KIF26B: variants seen among roughly 807,000 people sequenced by gnomAD.
The protein encoded by KIF26B is kinesin family member 26B.
KIF26B carries 63 observed loss-of-function variants against 151.2 expected under a neutral mutation model. That is an observed-to-expected ratio of 0.42 (90% CI 0.34 to 0.51). KIF26B has a LOEUF of 0.51. Among genes scored for constraint, KIF26B ranks in the 20% least tolerant of loss-of-function variants. The pLI is 0.07. For missense variants in KIF26B, 2,813 were observed against 2,913.6 expected, an observed-to-expected ratio of 0.97 and a Z score of 0.79; for synonymous variants, 1,357 against 1,262.1, an observed-to-expected ratio of 1.08 and a Z score of -1.59.
Position 245,179,404 on chromosome 1 carries a change from A to G in KIF26B, c.465+22721A>G, listed in dbSNP as rs934758768. Among the ~76,000 whole-genome samples the G allele has an allele frequency of 2.6e-5, 4 of 152,174 alleles. No individual in the cohort carries two copies. In the South Asian group the frequency reaches 8.3e-4, roughly 32 times the overall value. On this transcript the variant is annotated intron_variant, in intron 2 of 14. Transcript: ENST00000407071. ...TTTGGGAGGCTGAGGCGCGTGGATC[A>G]CCTGAGGTCAGGAGTTTGAGACCAT...
rs2044821349 is a variant in KIF26B at position 245,704,893 on chromosome 1, A to C, written c.*2287A>C. On this transcript the variant is annotated 3_prime_UTR_variant, in exon 15 of 15. Transcript: ENST00000407071. ...TTTAATTGGAGATTTTCAAAGGTGA[A>C]TATTCTGTTTTTGTTGGAAAGAAAC... The C allele has an allele frequency of 6.6e-6, 1 of 152,150 alleles. No individual in the cohort carries two copies. Among genetic ancestry groups the C allele is most frequent in the Non-Finnish European group, 1.5e-5 (1 of 68,040 alleles). 9.4% of individuals were successfully genotyped at this position (152,150 alleles called of 1,614,324 possible).
chr1:245,223,398 C>T (rs1669810886), intron 2 of KIF26B, among the ~76,000 whole-genome samples: 1 of 152,152 alleles, frequency 6.6e-6, no homozygotes, highest in Non-Finnish European at 1.5e-5. Context: ...CTTAAGGGTA[C>T]ATTCACTGAG....
At chr1:245,429,267 C>T (rs1209430632) in intron 4 of KIF26B, among the ~76,000 whole-genome samples, 1 of 152,218 alleles carries the variant, frequency 6.6e-6, no homozygotes, top group Admixed American at 6.5e-5. Flanking sequence ...GGAGTTCTGT[C>T]CTCAATGAAT....
intron 9 of KIF26B, among the ~76,000 whole-genome samples, chr1:245,634,050 G>A (rs545980898): frequency 1.3e-5 from 2 of 152,318 alleles, no homozygotes; most frequent in East Asian, 3.9e-4. Flanking sequence ...CTGGCCTTAA[G>A]TGATCCTTCT....
chr1:245,253,014 T>G (rs1158004575), intron 2 of KIF26B, among the ~76,000 whole-genome samples: 1 of 150,466 alleles, frequency 6.6e-6, no homozygotes, highest in African/African-American at 2.4e-5. Flanking sequence ...TCTTAATTTT[T>G]TTTTTTTTTT....
chr1:245,469,577 G>A (rs1402284887), intron 4 of KIF26B, among the ~76,000 whole-genome samples: 27 of 152,096 alleles, frequency 1.8e-4, no homozygotes. Context: ...ACTCCAGGAC[G>A]AAACCATGCT....
At chr1:245,181,221 C>T (rs1200821388) in intron 2 of KIF26B, among the ~76,000 whole-genome samples, 3 of 152,060 alleles carry the variant, frequency 2.0e-5, no homozygotes. Context: ...TTCTTGCTCC[C>T]TTTCTAGTAG....
At chr1:245,386,138 G>A (rs184331522) in intron 3 of KIF26B, among the ~76,000 whole-genome samples, 1,629 of 152,230 alleles carry the variant, frequency 0.011, 28 homozygotes, top group African/African-American at 0.037. Flanking sequence ...CTACTCAGGA[G>A]GCTGAGGCAG....
intron 12 of KIF26B, among the ~76,000 whole-genome samples, chr1:245,693,420 A>G (rs2044651762): frequency 6.6e-6 from 1 of 152,202 alleles, no homozygotes; most frequent in African/African-American, 2.4e-5. Flanking sequence ...TTATTGGTTG[A>G]TTCATTGATG....
chr1:245,201,158 T>A (rs1380362409), intron 2 of KIF26B, among the ~76,000 whole-genome samples: 1 of 152,178 alleles, frequency 6.6e-6, no homozygotes, highest in African/African-American at 2.4e-5. Flanking sequence ...CTGGACCACC[T>A]CCCTGGGTTA....
intron 4 of KIF26B, among the ~76,000 whole-genome samples, chr1:245,539,712 G>A (rs529503851): frequency 6.6e-6 from 1 of 152,256 alleles, no homozygotes; most frequent in Non-Finnish European, 1.5e-5. Context: ...GAGAGCAGTG[G>A]CGCTATCTGG....
Position 245,563,965 on chromosome 1 carries a change from A to G in KIF26B, c.1350+23015A>G, listed in dbSNP as rs1715779. ...TCTGTTTCTGCACTCTCTTCGGTGC[A>G]TCCTCTGAACCACCAGAATTAGGTT... On this transcript the variant is annotated intron_variant, in intron 5 of 14. Coordinates refer to ENST00000407071, the MANE Select transcript of KIF26B (RefSeq NM_018012.4). The surrounding 1 kb of genome is among the most constrained non-coding windows in gnomAD (Gnocchi z 4.6). Among the ~76,000 whole-genome samples, 28,794 of 151,988 alleles carry G rather than the reference A, an allele frequency of 0.19. 6,264 individuals carry two copies. Among genetic ancestry groups the G allele is most frequent in the African/African-American group, 0.53 (21,993 of 41,380 alleles).
chr1:245,476,313 C>T (rs1385313155), intron 4 of KIF26B, among the ~76,000 whole-genome samples: 1 of 151,688 alleles, frequency 6.6e-6, no homozygotes, highest in East Asian at 1.9e-4. Flanking sequence ...TTCCGTGTTC[C>T]ATGATGATTA....
chr1:245,442,793 TCA>T (rs1291021593), intron 4 of KIF26B, among the ~76,000 whole-genome samples: 1 of 115,122 alleles, frequency 8.7e-6, no homozygotes, highest in Non-Finnish European at 1.8e-5. Flanking sequence ...CCTACAGCGG[TCA>T]TCTCCCTCAC....
chr1:245,391,989 G>T (rs1311592435), intron 3 of KIF26B, among the ~76,000 whole-genome samples: 1 of 150,740 alleles, frequency 6.6e-6, no homozygotes, highest in African/African-American at 2.4e-5. Flanking sequence ...AACATTTCGA[G>T]AGCAGAGTTA....
rs1008559592 is a variant in KIF26B, at chr1:245,606,730, A to C, written c.1558-921A>C. ...TGGTGACTGATACTCTATATGTTGA[A>C]TGTATCTGTAGCAAAAGGAAGAAAA... On this transcript the variant is annotated intron_variant, in intron 6 of 14. Transcript: ENST00000407071. The surrounding 1 kb of genome is among the most constrained non-coding windows in gnomAD (Gnocchi z 4.6). Among the ~76,000 whole-genome samples the C allele has an allele frequency of 6.6e-6, 1 of 152,228 alleles. No individual in the cohort carries two copies. The highest frequency in any genetic ancestry group is 1.5e-5 in the Non-Finnish European group (1 of 68,044).
chr1:245,503,421 C>G (rs918651449), intron 4 of KIF26B, among the ~76,000 whole-genome samples: 1 of 152,302 alleles, frequency 6.6e-6, no homozygotes, highest in South Asian at 2.1e-4. Context: ...CCCAAATTCA[C>G]CATTTACATT....
Position 245,601,863 on chromosome 1 carries a change from G to A in KIF26B, c.1351-714G>A, listed in dbSNP as rs1364793085. Among the ~76,000 whole-genome samples, 1 of 152,178 alleles carries A rather than the reference G, an allele frequency of 6.6e-6. No individual in the cohort carries two copies. The highest frequency in any genetic ancestry group is 1.5e-5 in the Non-Finnish European group (1 of 68,052). Reference sequence around the variant, plus strand: ...GCACCTCGCTCGCCTGCAGGACGGGGCTGGGTTGGTGGTGGGTACCAGAGG... The same window carrying A: ...GCACCTCGCTCGCCTGCAGGACGGGACTGGGTTGGTGGTGGGTACCAGAGG... On this transcript the variant is annotated intron_variant, in intron 5 of 14. Coordinates refer to ENST00000407071, the MANE Select transcript of KIF26B (RefSeq NM_018012.4). This position sits in a 1 kb window ranked among gnomAD's most constrained non-coding sequence, Gnocchi z 4.4.
chr1:245,707,237 T>C lies in KIF26B; in HGVS notation c.*4631T>C, dbSNP rs1040197168. 6.6e-6 allele frequency: 1 copy of C among 152,146 alleles called. No individual in the cohort carries two copies. Among genetic ancestry groups the C allele is most frequent in the African/African-American group, 2.4e-5 (1 of 41,450 alleles). The allele number at this position is 152,146 out of a possible 1,614,324, so 9.4% of individuals were successfully genotyped here. A position where few individuals can be genotyped will look rare whatever the true frequency, so the allele number is the denominator to read the frequency against. On this transcript the variant is annotated 3_prime_UTR_variant, in exon 15 of 15. Coordinates refer to ENST00000407071, the MANE Select transcript of KIF26B (RefSeq NM_018012.4). ...GTCATAACACTGGACACAGTGCGGC[T>C]TGGGGCAGTATCAAGCCTTCATTGC...
Sources: allele counts gnomAD v4.1 joint callset (sites outside exome capture counted in the v4.1 genomes callset), GRCh38; gene constraint gnomAD v4.1.1; non-coding constraint Gnocchi (gnomAD v3.1); transcripts MANE v1.5; gene names NCBI Gene and HGNC (gene_info 2026-07-23, HGNC 2026-07-21).